Variants in ADGRL3 observed in about 807,000 individuals in gnomAD.
ADGRL3 encodes the protein calcium-independent alpha-latrotoxin receptor 3.
ADGRL3 carries 62 observed loss-of-function variants against 153.5 expected under a neutral mutation model. That is an observed-to-expected ratio of 0.40 (90% CI 0.33 to 0.50). The LOEUF is 0.50. Ranked by LOEUF, ADGRL3 falls within the 20% of genes least tolerant of loss-of-function variation. The pLI, the probability that ADGRL3 is intolerant of heterozygous loss-of-function variation, is 0.47. For missense variants in ADGRL3, 1,641 were observed against 1,859.4 expected, an observed-to-expected ratio of 0.88 and a Z score of 2.16; for synonymous variants, 710 against 672.5, an observed-to-expected ratio of 1.06 and a Z score of -0.86.
At chr4:61,722,024 A>G (rs147013479) in intron 6 of ADGRL3, among the ~76,000 whole-genome samples, 1 of 152,192 alleles carries the variant, frequency 6.6e-6, no homozygotes, top group East Asian at 1.9e-4. Context: ...AAAGATTTGG[A>G]TATCATTTAA....
Position 62,071,079 on chromosome 4 carries a change from C to T in ADGRL3, c.*171C>T, listed in dbSNP as rs1349432119. 2.2e-5 allele frequency: 13 copies of T among 586,470 alleles called. No individual in the cohort carries two copies. The highest frequency in any genetic ancestry group is 2.8e-5 in the East Asian group (1 of 35,112). 36.3% of individuals were successfully genotyped at this position (586,470 alleles called of 1,614,324 possible). On this transcript the variant is annotated 3_prime_UTR_variant, in exon 27 of 27. Coordinates refer to ENST00000683033, the MANE Select transcript of ADGRL3 (RefSeq NM_001387552.1). ...TTTTAATGGGATTTTTAGGTCAGCCCAGGGGAGAAAGATAACTGCTAAAAT... is the reference window on the plus strand; with the variant it reads ...TTTTAATGGGATTTTTAGGTCAGCCTAGGGGAGAAAGATAACTGCTAAAAT...
intron 1 of ADGRL3, among the ~76,000 whole-genome samples, chr4:61,240,171 T>C (rs1754364790): frequency 6.6e-6 from 1 of 152,104 alleles, no homozygotes. Flanking sequence ...CATCCTTGCA[T>C]GGCAGAAGGG....
chr4:61,416,951 G>A (rs1425855080), intron 2 of ADGRL3, among the ~76,000 whole-genome samples: 1 of 152,142 alleles, frequency 6.6e-6, no homozygotes, highest in Non-Finnish European at 1.5e-5. Flanking sequence ...TGGAGGTGAT[G>A]GGAGATAGTG....
intron 8 of ADGRL3, among the ~76,000 whole-genome samples, chr4:61,774,607 C>T (rs190156816): frequency 1.8e-4 from 28 of 151,602 alleles, no homozygotes; most frequent in African/African-American, 6.3e-4. Context: ...AGAAAATCCC[C>T]GAGAAGATCA....
chr4:61,949,336 G>A (rs2098937924), intron 17 of ADGRL3, among the ~76,000 whole-genome samples: 1 of 152,126 alleles, frequency 6.6e-6, no homozygotes, highest in South Asian at 2.1e-4. Flanking sequence ...CAAACAAGAT[G>A]CTCAACAAAA....
chr4:61,662,159 GC>G lies in ADGRL3; in HGVS notation c.474-14665del, dbSNP rs370189042. On this transcript the variant is annotated intron_variant, in intron 5 of 26. Transcript: ENST00000683033. ...TCCCTTCTGAGGAGGCAGGACAGGA[GC>G]CTCGTGCTCCCTGTGTGAAGCTGCG... Among the ~76,000 whole-genome samples the G allele has an allele frequency of 3.6e-4, 55 of 152,322 alleles. No homozygotes were observed. The East Asian group carries it at 6.0e-3, about 17-fold the overall frequency.
At chr4:61,714,101 A>C (rs1220117574) in intron 6 of ADGRL3, among the ~76,000 whole-genome samples, 1 of 151,956 alleles carries the variant, frequency 6.6e-6, no homozygotes, top group Non-Finnish European at 1.5e-5. Context: ...TGCACTTTTC[A>C]CTCTCAGCTG....
At chr4:61,398,077 A>G (rs532659055) in intron 2 of ADGRL3, among the ~76,000 whole-genome samples, 10 of 151,980 alleles carry the variant, frequency 6.6e-5, no homozygotes, top group Middle Eastern at 3.4e-3. Flanking sequence ...ATTGGTTTTG[A>G]TGTGTTTTAC....
intron 8 of ADGRL3, among the ~76,000 whole-genome samples, chr4:61,809,352 A>C (rs572349362): frequency 2.0e-5 from 3 of 152,158 alleles, no homozygotes; most frequent in Admixed American, 2.0e-4. Flanking sequence ...TAATATTTCT[A>C]TAAATATGCA....
At chr4:61,871,068 G>A (rs1271658176) in intron 9 of ADGRL3, among the ~76,000 whole-genome samples, 1 of 152,120 alleles carries the variant, frequency 6.6e-6, no homozygotes, top group Non-Finnish European at 1.5e-5. Context: ...CACGAGGTCA[G>A]GAGATCGAGA....
At chr4:61,857,728 C>CCTTTCTTCCCTTCCTCCTTTCTTTCT (rs1561369921) in intron 9 of ADGRL3, among the ~76,000 whole-genome samples, 1 of 121,446 alleles carries the variant, frequency 8.2e-6, no homozygotes, top group African/African-American at 4.5e-5. Flanking sequence ...TCTTTCTTCT[C>CCTTTCTTCCCTTCCTCCTTTCTTTCT]TCTTTCTTTC....
chr4:61,760,452 T>G (rs2343575), intron 8 of ADGRL3, among the ~76,000 whole-genome samples: 13,275 of 152,068 alleles, frequency 0.087, 1,238 homozygotes, highest in African/African-American at 0.23. Context: ...TAGGACCCTC[T>G]GAGCCAGGCA....
At chr4:61,368,367 C>T (rs909433653) in intron 1 of ADGRL3, among the ~76,000 whole-genome samples, 7 of 152,088 alleles carry the variant, frequency 4.6e-5, no homozygotes, top group African/African-American at 9.7e-5. Flanking sequence ...TTAGGTTTAA[C>T]GTTTAAGTCT....
chr4:61,916,194 C>T (rs185146909), intron 13 of ADGRL3, among the ~76,000 whole-genome samples: 1 of 152,176 alleles, frequency 6.6e-6, no homozygotes, highest in African/African-American at 2.4e-5. Flanking sequence ...ATATGTGAAT[C>T]TCCTAAAAGC....
At chr4:61,744,031 G>A (rs544603001) in intron 8 of ADGRL3, among the ~76,000 whole-genome samples, 1 of 152,292 alleles carries the variant, frequency 6.6e-6, no homozygotes, top group East Asian at 1.9e-4. Context: ...TTTCCGATGG[G>A]CTTAAAAAAC....
At chr4:61,822,343 A>G (rs1037668955) in intron 9 of ADGRL3, among the ~76,000 whole-genome samples, 20 of 152,040 alleles carry the variant, frequency 1.3e-4, no homozygotes, top group African/African-American at 4.6e-4. Flanking sequence ...TGTACCTTGT[A>G]TCAAACACAG....
intron 21 of ADGRL3, among the ~76,000 whole-genome samples, chr4:61,998,971 C>T (rs1451436914): frequency 1.3e-5 from 2 of 152,166 alleles, no homozygotes; most frequent in African/African-American, 4.8e-5. Context: ...ATGGTACCTA[C>T]ATGTACCAAA....
intron 9 of ADGRL3, among the ~76,000 whole-genome samples, chr4:61,846,581 T>G (rs1345907669): frequency 3.3e-5 from 5 of 152,148 alleles, no homozygotes; most frequent in African/African-American, 4.8e-5. Context: ...TTTTCTATAA[T>G]ATCATTGATG....
At chr4:61,392,725 AAGAG>A (rs1318697689) in intron 2 of ADGRL3, among the ~76,000 whole-genome samples, 2 of 149,086 alleles carry the variant, frequency 1.3e-5, no homozygotes, top group Non-Finnish European at 3.0e-5. Flanking sequence ...AAAATAAAGA[AAGAG>A]AGAAAAGAGT....
Sources: allele counts gnomAD v4.1 joint callset (sites outside exome capture counted in the v4.1 genomes callset), GRCh38; gene constraint gnomAD v4.1.1; transcripts MANE v1.5; gene names NCBI Gene and HGNC (gene_info 2026-07-23, HGNC 2026-07-21).